Variants in DTNB observed in about 807,000 individuals in gnomAD.
DTNB encodes DTN-B.
A neutral mutation model predicts 90.7 loss-of-function variants in DTNB; 63 were observed. The ratio of observed to expected loss-of-function variants is 0.69; its 90% confidence interval spans 0.57 to 0.86. The LOEUF (loss-of-function observed/expected upper bound fraction) is 0.86. Among genes scored for constraint, DTNB ranks in the 40% least tolerant of loss-of-function variants. DTNB has a pLI of 0.00. For synonymous variants in DTNB, 277 were observed against 286.7 expected (o/e 0.97, Z 0.34); for missense variants, 744 against 807.1 (o/e 0.92, Z 0.95).
intron 1 of DTNB, among the ~76,000 whole-genome samples, chr2:25,659,286 A>C (rs1171718389): frequency 2.0e-5 from 3 of 152,210 alleles, no homozygotes; most frequent in Admixed American, 2.0e-4. Context: ...ACAATAATGA[A>C]ATGTACATTC....
Position 25,495,124 on chromosome 2 carries a change from G to A in DTNB, c.1002-12251C>T, listed in dbSNP as rs997736101. On this transcript the variant is annotated intron_variant, in intron 9 of 20. Coordinates refer to ENST00000406818, the MANE Select transcript of DTNB (RefSeq NM_021907.5). ...TCTGTCACCCAGGCTGGAGTGCAGC[G>A]GTGCAATCTTGGCCCACTGCAACCT... Among the ~76,000 whole-genome samples, 53 of 151,834 alleles carry A rather than the reference G, an allele frequency of 3.5e-4. 1 individual carries two copies. The highest frequency in any genetic ancestry group is 6.0e-4 in the Non-Finnish European group (41 of 67,948).
intron 12 of DTNB, among the ~76,000 whole-genome samples, chr2:25,444,419 C>T (rs1182730777): frequency 6.6e-6 from 1 of 151,388 alleles, no homozygotes; most frequent in East Asian, 1.9e-4. Flanking sequence ...GTAATCCCAG[C>T]TACTTGGGAG....
chr2:25,408,197 T>A (rs1435938210), intron 16 of DTNB, among the ~76,000 whole-genome samples: 1 of 151,836 alleles, frequency 6.6e-6, no homozygotes, highest in African/African-American at 2.4e-5. Context: ...TAATTCCAGT[T>A]ACTTGGGAGG....
chr2:25,429,813 A>G (rs1016681443), intron 14 of DTNB, among the ~76,000 whole-genome samples: 4 of 152,148 alleles, frequency 2.6e-5, no homozygotes, highest in Admixed American at 1.3e-4. Context: ...TCTGATCTCA[A>G]TTGCCTGGCT....
At chr2:25,582,809 T>C (rs79724165) in intron 6 of DTNB, among the ~76,000 whole-genome samples, 2,346 of 152,258 alleles carry the variant, frequency 0.015, 58 homozygotes, top group African/African-American at 0.053. Context: ...AAGAATACTA[T>C]TGTTTGAGAC....
At chr2:25,545,808 G>C (rs1248784174) in intron 8 of DTNB, among the ~76,000 whole-genome samples, 1 of 152,206 alleles carries the variant, frequency 6.6e-6, no homozygotes, top group Non-Finnish European at 1.5e-5. Context: ...TTTTAGTAGA[G>C]ATGGGGTTTC....
At chr2:25,485,203 C>T (rs938968153) in intron 9 of DTNB, among the ~76,000 whole-genome samples, 4 of 152,102 alleles carry the variant, frequency 2.6e-5, no homozygotes, top group Non-Finnish European at 4.4e-5. Flanking sequence ...GAGACAAGGT[C>T]TCACTATGTT....
chr2:25,516,103 A>G (rs2150742254), intron 9 of DTNB, among the ~76,000 whole-genome samples: 1 of 152,352 alleles, frequency 6.6e-6, no homozygotes, highest in South Asian at 2.1e-4. Context: ...GGGAAATACG[A>G]ATTAAAACTA....
chr2:25,542,573 T>A (rs1490023561), intron 8 of DTNB, among the ~76,000 whole-genome samples: 1 of 152,210 alleles, frequency 6.6e-6, no homozygotes, highest in Non-Finnish European at 1.5e-5. Flanking sequence ...CTACAGAATC[T>A]GGGAAATTTT....
intron 6 of DTNB, among the ~76,000 whole-genome samples, chr2:25,586,632 T>C (rs1486553064): frequency 1.3e-5 from 2 of 152,016 alleles, no homozygotes; most frequent in African/African-American, 2.4e-5. Flanking sequence ...GGTCCCTCCC[T>C]TCAGGGCATA....
intron 8 of DTNB, among the ~76,000 whole-genome samples, chr2:25,568,829 C>T (rs1362204750): frequency 6.6e-6 from 1 of 152,202 alleles, no homozygotes. Flanking sequence ...TCCCGTTCTC[C>T]TCCCCTTCAT....
chr2:25,642,879 G>A (rs762069597), intron 2 of DTNB, among the ~76,000 whole-genome samples: 4 of 151,884 alleles, frequency 2.6e-5, no homozygotes, highest in Non-Finnish European at 5.9e-5. Context: ...TCAGCCTCCT[G>A]AGTAGCTGGG....
chr2:25,612,052 T>C (rs1426078298), intron 4 of DTNB, among the ~76,000 whole-genome samples: 1 of 152,200 alleles, frequency 6.6e-6, no homozygotes, highest in Non-Finnish European at 1.5e-5. Context: ...TCTTTTCACA[T>C]GGAATTTACA....
chr2:25,467,459 C>A (rs886287366), intron 10 of DTNB, among the ~76,000 whole-genome samples: 1 of 151,952 alleles, frequency 6.6e-6, no homozygotes, highest in Non-Finnish European at 1.5e-5. Context: ...ACATCAGGCC[C>A]AGACAGGTAA....
rs1441757080 is a variant in DTNB at position 25,388,379 on chromosome 2, G to A, written c.1576-18C>T. 1 of 1,586,844 alleles carries A rather than the reference G, an allele frequency of 6.3e-7. No individual in the cohort carries two copies. Among genetic ancestry groups the A allele is most frequent in the Non-Finnish European group, 8.6e-7 (1 of 1,163,498 alleles). On this transcript the variant is annotated intron_variant, in intron 16 of 20. Transcript: ENST00000406818. ...GCCTGAGCCTGGAGATTCAAAGACA[G>A]AAAATACGTTATCTCAAGTACCTGA...
chr2:25,579,283 T>C (rs1249237663), intron 7 of DTNB, among the ~76,000 whole-genome samples: 1 of 152,236 alleles, frequency 6.6e-6, no homozygotes, highest in African/African-American at 2.4e-5. Context: ...TCTAGAGAGA[T>C]TCTGGTCCTT....
chr2:25,640,301 C>G (rs1406196518), intron 2 of DTNB, among the ~76,000 whole-genome samples: 1 of 151,764 alleles, frequency 6.6e-6, no homozygotes, highest in Admixed American at 6.6e-5. Flanking sequence ...AGTTTTGACT[C>G]AATAAGGGGA....
chr2:25,607,872 C>A (rs1216200024), intron 4 of DTNB, among the ~76,000 whole-genome samples: 2 of 152,166 alleles, frequency 1.3e-5, no homozygotes, highest in Non-Finnish European at 2.9e-5. Context: ...CTCAGATCTT[C>A]TAATACACCA....
chr2:25,541,880 T>C (rs1558958208), intron 8 of DTNB, among the ~76,000 whole-genome samples: 1 of 152,234 alleles, frequency 6.6e-6, no homozygotes, highest in Non-Finnish European at 1.5e-5. Context: ...CCACCAATAG[T>C]TCACAATGGT....
Sources: allele counts gnomAD v4.1 joint callset (sites outside exome capture counted in the v4.1 genomes callset), GRCh38; gene constraint gnomAD v4.1.1; transcripts MANE v1.5; gene names NCBI Gene and HGNC (gene_info 2026-07-23, HGNC 2026-07-21).